Variants in TBCA observed in about 807,000 individuals in gnomAD.
TBCA encodes tubulin-specific chaperone A.
Under a neutral mutation model 15.8 loss-of-function variants are expected in TBCA, and 6 were observed. That is an observed-to-expected ratio of 0.38 (90% confidence interval 0.21 to 0.75). The LOEUF (loss-of-function observed/expected upper bound fraction) is 0.75. Ranked by LOEUF, TBCA falls within the 30% of genes least tolerant of loss-of-function variation. TBCA has a pLI of 0.46. For missense variants in TBCA, 90 were observed against 131.2 expected (o/e 0.69, Z 1.53); for synonymous variants, 32 against 42.3 (o/e 0.76, Z 0.94).
intron 1 of TBCA, among the ~76,000 whole-genome samples, chr5:77,772,733 G>A (rs1405657164): frequency 2.6e-5 from 4 of 152,132 alleles, no homozygotes; most frequent in Non-Finnish European, 5.9e-5. Context: ...ATTTTAAAAT[G>A]TATGGGAGAC....
chr5:77,766,915 T>G (rs948239101), intron 1 of TBCA, among the ~76,000 whole-genome samples: 3 of 152,242 alleles, frequency 2.0e-5, no homozygotes, highest in African/African-American at 7.2e-5. Context: ...ATTAAGTGTC[T>G]ATTTGTTGAA....
chr5:77,709,559 A>G (rs1213585340), intron 1 of TBCA, among the ~76,000 whole-genome samples: 1 of 152,222 alleles, frequency 6.6e-6, no homozygotes, highest in African/African-American at 2.4e-5. Context: ...ATGCAGAGAA[A>G]TTGGAGCCAT....
chr5:77,742,271 T>A (rs1481047989), intron 1 of TBCA, among the ~76,000 whole-genome samples: 1 of 152,164 alleles, frequency 6.6e-6, no homozygotes, highest in Non-Finnish European at 1.5e-5. Context: ...TCAAAAAGGT[T>A]TCAGATTTGG....
intron 1 of TBCA, among the ~76,000 whole-genome samples, chr5:77,765,880 C>A (rs1747760317): frequency 3.0e-5 from 1 of 32,938 alleles, no homozygotes. Flanking sequence ...AAAACTAGGG[C>A]CAAAAAAAAA....
chr5:77,718,970 C>T (rs1746469053), intron 1 of TBCA, among the ~76,000 whole-genome samples: 1 of 152,174 alleles, frequency 6.6e-6, no homozygotes, highest in Admixed American at 6.5e-5. Flanking sequence ...ATCTTCATAG[C>T]ATATTTATCT....
At chr5:77,740,823 GT>G (rs1432042999) in intron 1 of TBCA, among the ~76,000 whole-genome samples, 4 of 92,130 alleles carry the variant, frequency 4.3e-5, no homozygotes, top group African/African-American at 1.2e-4. Context: ...AAACATTTAA[GT>G]AAGGGTAAGC....
chr5:77,747,375 C>T (rs1037928274), intron 1 of TBCA, among the ~76,000 whole-genome samples: 3 of 151,994 alleles, frequency 2.0e-5, no homozygotes, highest in Admixed American at 1.3e-4. Flanking sequence ...ATAATCAAAA[C>T]GTAATATAAA....
At chr5:77,769,952 T>A (rs1291290667) in intron 1 of TBCA, among the ~76,000 whole-genome samples, 2 of 152,194 alleles carry the variant, frequency 1.3e-5, no homozygotes, top group Non-Finnish European at 2.9e-5. Context: ...CCATTACCAA[T>A]CCAAAATGGT....
intron 2 of TBCA, among the ~76,000 whole-genome samples, chr5:77,699,033 CAAAAAAAAAA>C (rs71608119): frequency 7.1e-5 from 5 of 70,100 alleles, no homozygotes; most frequent in African/African-American, 2.6e-4. Context: ...GCAAGAGCAT[CAAAAAAAAAA>C]AAAAAAAAAA....
At position 77,720,738 on chromosome 5, in the gene TBCA, G is replaced by A. The variant is rs769613518; in HGVS notation, c.54-12391C>T. 6.6e-5 allele frequency among the ~76,000 whole-genome samples: 10 copies of A among 152,088 alleles called. 1 individual carries two copies. The highest frequency in any genetic ancestry group is 1.2e-4 in the Non-Finnish European group (8 of 67,958). On this transcript the variant is annotated intron_variant, in intron 1 of 3. Transcript: ENST00000380377. ...CAAAAAAATAAAAAAATTAAAAAGC[G>A]AAGTCTATCTTAGATGCGTTAAAAG...
At chr5:77,726,548 A>G (rs1391411291) in intron 1 of TBCA, among the ~76,000 whole-genome samples, 1 of 152,226 alleles carries the variant, frequency 6.6e-6, no homozygotes, top group African/African-American at 2.4e-5. Context: ...AAAAAATACT[A>G]TTGGATGTAT....
intron 1 of TBCA, among the ~76,000 whole-genome samples, chr5:77,762,682 A>G (rs1420892082): frequency 1.3e-5 from 2 of 152,162 alleles, no homozygotes; most frequent in East Asian, 3.9e-4. Context: ...AAAACAGAGC[A>G]CCAAGAGGGT....
At chr5:77,747,294 T>C (rs970735092) in intron 1 of TBCA, among the ~76,000 whole-genome samples, 5 of 152,236 alleles carry the variant, frequency 3.3e-5, no homozygotes, top group Non-Finnish European at 7.4e-5. Flanking sequence ...TTTCACTACA[T>C]ATAACATTGT....
chr5:77,715,558 CT>C (rs1746378505), intron 1 of TBCA, among the ~76,000 whole-genome samples: 1 of 151,684 alleles, frequency 6.6e-6, no homozygotes, highest in Non-Finnish European at 1.5e-5. Flanking sequence ...CCTCATCCCC[CT>C]GACACACACA....
intron 2 of TBCA, among the ~76,000 whole-genome samples, chr5:77,707,619 C>T (rs889468444): frequency 6.6e-6 from 1 of 152,022 alleles, no homozygotes; most frequent in Non-Finnish European, 1.5e-5. Context: ...CAAGAAGAGC[C>T]TTGTATGCAA....
At chr5:77,707,691 C>T (rs1217391272) in intron 2 of TBCA, among the ~76,000 whole-genome samples, 1 of 151,938 alleles carries the variant, frequency 6.6e-6, no homozygotes, top group African/African-American at 2.4e-5. Context: ...AAGTGCAATG[C>T]GTATTTTATT....
At chr5:77,712,966 ATGTG>A (rs1272850146) in intron 1 of TBCA, among the ~76,000 whole-genome samples, 2 of 152,080 alleles carry the variant, frequency 1.3e-5, no homozygotes, top group African/African-American at 2.4e-5. Context: ...TTCTCTCAAC[ATGTG>A]TGTGTGAAAA....
At chr5:77,712,260 A>C (rs1319600231) in intron 1 of TBCA, among the ~76,000 whole-genome samples, 1 of 152,134 alleles carries the variant, frequency 6.6e-6, no homozygotes, top group Non-Finnish European at 1.5e-5. Flanking sequence ...CATCCTGGTG[A>C]ATTGGGATTG....
intron 1 of TBCA, among the ~76,000 whole-genome samples, chr5:77,735,607 T>TG (rs1394384366): frequency 6.6e-6 from 1 of 152,198 alleles, no homozygotes; most frequent in African/African-American, 2.4e-5. Flanking sequence ...ATAATTAACT[T>TG]GACTTTAATT....
Sources: gnomAD v4.1 joint callset for allele counts (sites outside exome capture counted in the v4.1 genomes callset) on GRCh38, gnomAD v4.1.1 for gene constraint, MANE v1.5 for transcripts, NCBI Gene and HGNC (gene_info 2026-07-23, HGNC 2026-07-21) for gene names.